Variants in UHRF2 observed in about 807,000 individuals in gnomAD.
UHRF2 encodes ubiquitin like with PHD and ring finger domains 2, also known as E3 ubiquitin-protein ligase UHRF2.
A neutral mutation model predicts 96.8 loss-of-function variants in UHRF2; 23 were observed. The ratio of observed to expected loss-of-function variants is 0.24; its 90% CI spans 0.17 to 0.34. The LOEUF (loss-of-function observed/expected upper bound fraction) is 0.34, where lower values mean the gene tolerates loss of function less well. UHRF2 is among the 10% of genes least tolerant of loss of function. UHRF2 has a pLI of 1.00. For missense variants in UHRF2, 685 were observed against 981.5 expected, an observed-to-expected ratio of 0.70 and a Z score of 4.04; for synonymous variants, 385 against 332.6, an observed-to-expected ratio of 1.16 and a Z score of -1.72.
intron 12 of UHRF2, 96 bp downstream of exon 12, chr9:6,498,254 G>A: frequency 7.7e-7 from 1 of 1,295,976 alleles, no homozygotes; most frequent in Non-Finnish European, 1.0e-6. Flanking sequence ...CACAGCAATT[G>A]ACTGGTGGAC....
intron 4 of UHRF2, among the ~76,000 whole-genome samples, chr9:6,462,313 C>T (rs1443526631): frequency 1.3e-5 from 2 of 149,506 alleles, no homozygotes; most frequent in African/African-American, 4.9e-5. Context: ...AGTTTGCTGA[C>T]TCCTGAGATT....
intron 1 of UHRF2, among the ~76,000 whole-genome samples, chr9:6,414,581 G>A (rs1422635468): frequency 6.6e-6 from 1 of 152,028 alleles, no homozygotes; most frequent in African/African-American, 2.4e-5. Context: ...ATTTTTCTTT[G>A]TCTTCATGTT....
At chr9:6,473,556 T>C (rs1258489445) in intron 4 of UHRF2, among the ~76,000 whole-genome samples, 6 of 152,128 alleles carry the variant, frequency 3.9e-5, no homozygotes, top group South Asian at 4.1e-4. Context: ...AAGAGATAAA[T>C]AAATAGGTAC....
chr9:6,436,268 C>T (rs1820844007), intron 3 of UHRF2, among the ~76,000 whole-genome samples: 1 of 152,042 alleles, frequency 6.6e-6, no homozygotes, highest in Non-Finnish European at 1.5e-5. Context: ...TTTTCTGGTA[C>T]TTATTGTGGT....
chr9:6,441,356 A>G (rs1409239340), intron 3 of UHRF2, among the ~76,000 whole-genome samples: 1 of 151,878 alleles, frequency 6.6e-6, no homozygotes, highest in East Asian at 1.9e-4. Flanking sequence ...CTTGGGTGAC[A>G]CGGTGAAAAC....
intron 4 of UHRF2, among the ~76,000 whole-genome samples, chr9:6,474,164 TTGG>T (rs1489386848): frequency 1.3e-5 from 2 of 152,238 alleles, no homozygotes; most frequent in East Asian, 3.8e-4. Flanking sequence ...TCTTCTGTCA[TTGG>T]TGGTCACAAC....
At chr9:6,502,289 A>G (rs576112301) in intron 14 of UHRF2, among the ~76,000 whole-genome samples, 2 of 152,268 alleles carry the variant, frequency 1.3e-5, no homozygotes, top group South Asian at 2.1e-4. Flanking sequence ...TTATTTAAAC[A>G]TGCTCGACGT....
At chr9:6,480,390 G>C (rs1823850969) in intron 6 of UHRF2, among the ~76,000 whole-genome samples, 1 of 152,206 alleles carries the variant, frequency 6.6e-6, no homozygotes, top group Non-Finnish European at 1.5e-5. Flanking sequence ...CACGAAAATA[G>C]TGCCTTGCAC....
At chr9:6,425,819 G>C (rs1490813752) in intron 2 of UHRF2, among the ~76,000 whole-genome samples, 1 of 151,868 alleles carries the variant, frequency 6.6e-6, no homozygotes, top group East Asian at 1.9e-4. Flanking sequence ...GCTTCTTACT[G>C]TTGGTGTGTC....
At chr9:6,505,477 A>G (rs1015425658) in intron 15 of UHRF2, among the ~76,000 whole-genome samples, 1 of 152,046 alleles carries the variant, frequency 6.6e-6, no homozygotes, top group African/African-American at 2.4e-5. Context: ...TGTATTTTTT[A>G]GTAGAGACAG....
intron 3 of UHRF2, among the ~76,000 whole-genome samples, chr9:6,437,602 A>T (rs1587791092): frequency 6.6e-6 from 1 of 151,484 alleles, no homozygotes; most frequent in East Asian, 2.0e-4. Context: ...TTATGCTGTA[A>T]ATCTGTTTTG....
intron 3 of UHRF2, 63 bp downstream of exon 3, chr9:6,434,236 A>G (rs768517949): frequency 3.2e-5 from 48 of 1,502,522 alleles, no homozygotes; most frequent in Non-Finnish European, 4.0e-5. Flanking sequence ...AAAGCCTTCT[A>G]TTTCAAGATT....
chr9:6,495,922 A>T (rs1249240947), intron 10 of UHRF2: 1 of 152,028 alleles, frequency 6.6e-6, no homozygotes, highest in Non-Finnish European at 1.5e-5. Flanking sequence ...ATTCTGTAAG[A>T]CGTAATAGTA....
intron 15 of UHRF2, among the ~76,000 whole-genome samples, 160 bp downstream of exon 15, chr9:6,504,851 T>C: frequency 6.6e-6 from 1 of 152,168 alleles, no homozygotes; most frequent in East Asian, 1.9e-4. Flanking sequence ...TAAATGCATG[T>C]TTTAATTAGA....
intron 3 of UHRF2, among the ~76,000 whole-genome samples, chr9:6,449,835 A>G (rs775653738): frequency 3.9e-5 from 6 of 152,294 alleles, no homozygotes; most frequent in Admixed American, 6.5e-5. Context: ...CTAGCAGACA[A>G]TATTTCCCAT....
intron 4 of UHRF2, among the ~76,000 whole-genome samples, chr9:6,463,445 A>C (rs1822673239): frequency 6.6e-6 from 1 of 152,114 alleles, no homozygotes; most frequent in African/African-American, 2.4e-5. Flanking sequence ...ATAGCTAAAA[A>C]GGAACCAGTG....
intron 3 of UHRF2, among the ~76,000 whole-genome samples, chr9:6,434,508 G>T (rs566435755): frequency 1.3e-5 from 2 of 151,958 alleles, no homozygotes; most frequent in Admixed American, 6.6e-5. Context: ...GCACAATCTC[G>T]CCTCACTGCA....
intron 2 of UHRF2, chr9:6,422,877 T>A (rs1227841315): frequency 5.2e-6 from 2 of 385,472 alleles, no homozygotes; most frequent in African/African-American, 4.1e-5. Context: ...TATGGTTATC[T>A]TCTAAAATAG....
intron 9 of UHRF2, chr9:6,492,763 G>C (rs1224556812): frequency 2.0e-5 from 3 of 148,816 alleles, no homozygotes; most frequent in Admixed American, 2.0e-4. Flanking sequence ...TTCAAGTACT[G>C]AATCAGATAG....
Sources: gnomAD v4.1 joint callset for allele counts (sites outside exome capture counted in the v4.1 genomes callset) on GRCh38, gnomAD v4.1.1 for gene constraint, MANE v1.5 for transcripts, NCBI Gene and HGNC (gene_info 2026-07-23, HGNC 2026-07-21) for gene names.